C1orf21: variants seen among roughly 807,000 people sequenced by gnomAD.
C1orf21 encodes uncharacterized protein C1orf21.
C1orf21 carries 3 observed loss-of-function variants against 18.7 expected under a neutral mutation model. That is an observed-to-expected ratio of 0.16 (90% confidence interval 0.07 to 0.42). The LOEUF (loss-of-function observed/expected upper bound fraction) is 0.42. C1orf21 is among the 10% of genes least tolerant of loss of function. The pLI, the probability that C1orf21 is intolerant of heterozygous loss-of-function variation, is 0.99. For synonymous variants in C1orf21, 41 were observed against 46.4 expected (o/e 0.88, Z 0.47); for missense variants, 104 against 143.6 (o/e 0.72, Z 1.41).
chr1:184,535,798 CTGAT>C (rs778450264), intron 3 of C1orf21, among the ~76,000 whole-genome samples: 120 of 152,322 alleles, frequency 7.9e-4, no homozygotes, highest in Non-Finnish European at 1.4e-3. Flanking sequence ...GTACAACTCA[CTGAT>C]TGTCTTCCTG....
intron 2 of C1orf21, among the ~76,000 whole-genome samples, chr1:184,478,273 T>TA (rs1313499019): frequency 6.6e-6 from 1 of 152,062 alleles, no homozygotes; most frequent in Non-Finnish European, 1.5e-5. Context: ...TTTTCAGATT[T>TA]AAAATAAAAA....
At chr1:184,405,298 C>A (rs138703158) in intron 1 of C1orf21, among the ~76,000 whole-genome samples, 1 of 152,136 alleles carries the variant, frequency 6.6e-6, no homozygotes, top group East Asian at 1.9e-4. Context: ...CTGGCTCTAT[C>A]AATCCTCCCA....
intron 1 of C1orf21, among the ~76,000 whole-genome samples, chr1:184,390,606 A>G (rs943096352): frequency 1.3e-5 from 2 of 152,204 alleles, no homozygotes; most frequent in Non-Finnish European, 2.9e-5. Flanking sequence ...GGAAATGGAT[A>G]TAGTGAAGCC....
chr1:184,624,447 G>GGC lies in C1orf21; in HGVS notation c.*4892_*4893dup, dbSNP rs1002683560. 1.3e-5 allele frequency: 2 copies of GGC among 152,224 alleles called. No individual in the cohort carries two copies. Among genetic ancestry groups the GGC allele is most frequent in the African/African-American group, 4.8e-5 (2 of 41,448 alleles). 9.4% of individuals were successfully genotyped at this position (152,224 alleles called of 1,614,324 possible). A position where few individuals can be genotyped will look rare whatever the true frequency, so the allele number is the denominator to read the frequency against. On this transcript the variant is annotated 3_prime_UTR_variant, in exon 6 of 6. Coordinates refer to ENST00000235307, the MANE Select transcript of C1orf21 (RefSeq NM_030806.4). ...TTAGATACCAGATGCAACCAGAACA[G>GGC]GCTTTCGAGTGCTGTGATTTCTTTC...
At chr1:184,466,389 A>C (rs905835306) in intron 1 of C1orf21, among the ~76,000 whole-genome samples, 1 of 152,122 alleles carries the variant, frequency 6.6e-6, no homozygotes, top group Non-Finnish European at 1.5e-5. Flanking sequence ...AGAGGCCATC[A>C]CTCAACTGAC....
intron 4 of C1orf21, among the ~76,000 whole-genome samples, chr1:184,595,227 C>T (rs1462509968): frequency 6.6e-6 from 1 of 152,148 alleles, no homozygotes; most frequent in Non-Finnish European, 1.5e-5. Context: ...GCTAGTGAAT[C>T]TTTTGTAAGT....
rs182929885 is a variant in C1orf21 at position 184,628,904 on chromosome 1, G to A, written c.*9348G>A. 14 of 152,378 alleles carry A rather than the reference G, an allele frequency of 9.2e-5. No individual in the cohort carries two copies. Among genetic ancestry groups the A allele is most frequent in the Admixed American group, 7.9e-4 (12 of 15,270 alleles). The allele number at this position is 152,378 out of a possible 1,614,324, so 9.4% of individuals were successfully genotyped here. A position where few individuals can be genotyped will look rare whatever the true frequency, so the allele number is the denominator to read the frequency against. On this transcript the variant is annotated 3_prime_UTR_variant, in exon 6 of 6. Coordinates refer to ENST00000235307, the MANE Select transcript of C1orf21 (RefSeq NM_030806.4). ...TGTAATGATGATTCTATTCCATTTTGAAAAGGGTCTGAGAAAGTGTACAGG... is the reference window on the plus strand; with the variant it reads ...TGTAATGATGATTCTATTCCATTTTAAAAAGGGTCTGAGAAAGTGTACAGG...
intron 5 of C1orf21, among the ~76,000 whole-genome samples, chr1:184,618,313 C>T (rs149006025): frequency 7.9e-5 from 12 of 152,272 alleles, no homozygotes; most frequent in African/African-American, 2.9e-4. Context: ...ACTATTAACT[C>T]ATTTAATCTT....
chr1:184,574,187 G>A (rs1353772247), intron 3 of C1orf21, among the ~76,000 whole-genome samples: 3 of 152,056 alleles, frequency 2.0e-5, no homozygotes, highest in Non-Finnish European at 4.4e-5. Flanking sequence ...CATGGGTAAC[G>A]GAGAAAGACT....
chr1:184,596,713 T>C (rs1447389262), intron 4 of C1orf21, among the ~76,000 whole-genome samples: 3 of 151,800 alleles, frequency 2.0e-5, no homozygotes, highest in Admixed American at 6.6e-5. Flanking sequence ...ATACTAAAAA[T>C]ACAAAAAATT....
At chr1:184,516,005 G>A (rs1044741775) in intron 3 of C1orf21, among the ~76,000 whole-genome samples, 4 of 152,104 alleles carry the variant, frequency 2.6e-5, no homozygotes, top group Admixed American at 6.5e-5. Flanking sequence ...TAGAGATGGG[G>A]TTTCACTATG....
In C1orf21 at chr1:184,422,888, A is replaced by G. The variant is rs1656567963; in HGVS notation, c.-125+35520A>G. On this transcript the variant is annotated intron_variant, in intron 1 of 5. Transcript: ENST00000235307. ...GTAAGTGTTGATGGACTGAACGAAT[A>G]AAATGTTTTGTCTGGCACAGATTGA... is the stretch of plus-strand genomic sequence containing the variant. Among the ~76,000 whole-genome samples, 4 of 152,320 alleles carry G rather than the reference A, an allele frequency of 2.6e-5. No individual in the cohort carries two copies. The South Asian group carries it at 8.3e-4, about 32-fold the overall frequency.
chr1:184,602,525 G>A (rs1261803288), intron 5 of C1orf21, among the ~76,000 whole-genome samples: 2 of 152,138 alleles, frequency 1.3e-5, no homozygotes, highest in African/African-American at 4.8e-5. Flanking sequence ...CAGGCTCCTA[G>A]AATCTTTTTT....
chr1:184,560,355 C>T (rs1658946642), intron 3 of C1orf21, among the ~76,000 whole-genome samples: 1 of 152,122 alleles, frequency 6.6e-6, no homozygotes, highest in African/African-American at 2.4e-5. Context: ...ACCGTAAGAT[C>T]TTTGCAAACC....
intron 1 of C1orf21, among the ~76,000 whole-genome samples, chr1:184,432,564 T>C (rs1208257498): frequency 1.3e-5 from 2 of 152,040 alleles, no homozygotes; most frequent in Non-Finnish European, 2.9e-5. Flanking sequence ...AAATACCTAA[T>C]GTAGATGATG....
intron 3 of C1orf21, among the ~76,000 whole-genome samples, chr1:184,569,727 A>G (rs1659082611): frequency 6.6e-6 from 1 of 152,200 alleles, no homozygotes; most frequent in Admixed American, 6.5e-5. Context: ...TTTGTACAAG[A>G]CAGAATGATG....
At chr1:184,413,482 A>G (rs1396795531) in intron 1 of C1orf21, among the ~76,000 whole-genome samples, 1 of 152,182 alleles carries the variant, frequency 6.6e-6, no homozygotes, top group East Asian at 1.9e-4. Flanking sequence ...TTTTAGGTTC[A>G]TTAATGTGTT....
chr1:184,500,609 T>C (rs1657960993), intron 2 of C1orf21, among the ~76,000 whole-genome samples: 2 of 152,054 alleles, frequency 1.3e-5, no homozygotes, highest in Admixed American at 1.3e-4. Context: ...CTATACTCAA[T>C]CTCCACAGCA....
rs910491614 is a variant in C1orf21, at chr1:184,587,566, G to A, written c.190-3173G>A. On this transcript the variant is annotated intron_variant, in intron 3 of 5. Transcript: ENST00000235307. ...TGTGTGTGTGTGTGTGTGTGTGTGT[G>A]TGTAGTGAATGGGACTGCATTCCTA... 3.1e-3 allele frequency among the ~76,000 whole-genome samples: 395 copies of A among 127,304 alleles called. 1 individual carries two copies. Among genetic ancestry groups the A allele is most frequent in the Non-Finnish European group, 5.3e-3 (326 of 61,246 alleles). 83.5% of individuals were successfully genotyped at this position (127,304 alleles called of 152,430 possible). A position where few individuals can be genotyped will look rare whatever the true frequency, so the allele number is the denominator to read the frequency against.
Sources: gnomAD v4.1 joint callset for allele counts (sites outside exome capture counted in the v4.1 genomes callset) on GRCh38, gnomAD v4.1.1 for gene constraint, MANE v1.5 for transcripts, NCBI Gene and HGNC (gene_info 2026-07-23, HGNC 2026-07-21) for gene names.